Variants in CSNK1G3 observed in about 807,000 individuals in gnomAD.
CSNK1G3 encodes casein kinase I isoform gamma-3.
CSNK1G3 carries 23 observed loss-of-function variants against 64.3 expected under a neutral mutation model. The observed-to-expected ratio is 0.36, with a 90% CI of 0.26 to 0.51. The LOEUF (loss-of-function observed/expected upper bound fraction) is 0.51, where lower values mean the gene tolerates loss of function less well. Among genes scored for constraint, CSNK1G3 ranks in the 20% least tolerant of loss-of-function variants. The pLI is 0.96. For missense variants in CSNK1G3, 357 were observed against 510.5 expected (o/e 0.70, Z 2.90); for synonymous variants, 158 against 162.2 (o/e 0.97, Z 0.20).
At chr5:123,536,122 C>T (rs1011964887) in intron 1 of CSNK1G3, among the ~76,000 whole-genome samples, 5 of 152,106 alleles carry the variant, frequency 3.3e-5, no homozygotes, top group Non-Finnish European at 7.4e-5. Flanking sequence ...AACCAATCCA[C>T]CTACACATAT....
At chr5:123,587,015 A>T (rs1196511548) in intron 6 of CSNK1G3, among the ~76,000 whole-genome samples, 1 of 152,184 alleles carries the variant, frequency 6.6e-6, no homozygotes, top group African/African-American at 2.4e-5. Context: ...GGAGAAAAGC[A>T]TGGGAAAGAC....
At chr5:123,600,975 A>G (rs543680098) in intron 10 of CSNK1G3, among the ~76,000 whole-genome samples, 1 of 151,594 alleles carries the variant, frequency 6.6e-6, no homozygotes, top group African/African-American at 2.4e-5. Context: ...TGTCAGAGGG[A>G]ATTTTTTTTT....
In CSNK1G3 at chr5:123,600,035, A is replaced by G. The variant is rs576648462; in HGVS notation, c.1087-4689A>G. ...ATCTTTTGGAATACCAAGAGTATCA[A>G]TTATACCTTTAGTCTTTAGGATATG... On this transcript the variant is annotated intron_variant, in intron 10 of 12. Coordinates refer to ENST00000345990, the Ensembl canonical transcript of CSNK1G3. Among the ~76,000 whole-genome samples the G allele has an allele frequency of 5.3e-5, 8 of 152,238 alleles. No homozygotes were observed. The South Asian group carries it at 1.5e-3, about 28-fold the overall frequency.
chr5:123,562,745 T>A (rs1786019215), intron 4 of CSNK1G3, among the ~76,000 whole-genome samples: 1 of 151,894 alleles, frequency 6.6e-6, no homozygotes, highest in Non-Finnish European at 1.5e-5. Context: ...AGGAAAAAAT[T>A]ATTGGTGAGA....
intron 8 of CSNK1G3, 62 bp from the exon 9 acceptor site, chr5:123,590,348 T>C: frequency 1.2e-6 from 1 of 804,338 alleles, no homozygotes; most frequent in African/African-American, 1.8e-5. Flanking sequence ...TTTTAGATAC[T>C]TAATTTTATT....
intron 4 of CSNK1G3, among the ~76,000 whole-genome samples, chr5:123,567,398 T>A (rs1272392562): frequency 6.6e-6 from 1 of 152,022 alleles, no homozygotes; most frequent in African/African-American, 2.4e-5. Context: ...GTCTGGAGTT[T>A]GAGACCATCC....
intron 1 of CSNK1G3, among the ~76,000 whole-genome samples, chr5:123,529,945 T>C (rs962299615): frequency 2.0e-5 from 3 of 152,076 alleles, no homozygotes; most frequent in Non-Finnish European, 4.4e-5. Context: ...GAGACCAGCC[T>C]GGGCAACATG....
chr5:123,525,625 C>T (rs1426719302), intron 1 of CSNK1G3, among the ~76,000 whole-genome samples: 1 of 151,994 alleles, frequency 6.6e-6, no homozygotes. Context: ...ATGAGACAAT[C>T]TCAAACACAC....
chr5:123,592,081 T>C (rs935802268), intron 10 of CSNK1G3, among the ~76,000 whole-genome samples: 5 of 152,006 alleles, frequency 3.3e-5, no homozygotes, highest in African/African-American at 9.7e-5. Flanking sequence ...GAATAAGCTA[T>C]ATTACATGAA....
chr5:123,527,837 G>GT (rs1216748789), intron 1 of CSNK1G3, among the ~76,000 whole-genome samples: 1 of 151,994 alleles, frequency 6.6e-6, no homozygotes, highest in Non-Finnish European at 1.5e-5. Flanking sequence ...TTTATTTTAG[G>GT]TTTTTTTCTT....
intron 4 of CSNK1G3, among the ~76,000 whole-genome samples, chr5:123,570,188 T>C (rs1483632181): frequency 6.6e-6 from 1 of 152,166 alleles, no homozygotes; most frequent in Non-Finnish European, 1.5e-5. Flanking sequence ...GGTTTTCCTG[T>C]TTTGGAAACT....
chr5:123,518,617 G>C (rs928750798), intron 1 of CSNK1G3, among the ~76,000 whole-genome samples: 2 of 152,076 alleles, frequency 1.3e-5, no homozygotes, highest in Non-Finnish European at 2.9e-5. Flanking sequence ...TTTTCTCTTC[G>C]TATCTTATTG....
chr5:123,599,401 A>G (rs1198803665), intron 10 of CSNK1G3, among the ~76,000 whole-genome samples: 1 of 152,236 alleles, frequency 6.6e-6, no homozygotes, highest in Non-Finnish European at 1.5e-5. Context: ...AGGAAAACGA[A>G]AGAATAACAT....
chr5:123,600,798 T>G (rs1794359337), intron 10 of CSNK1G3, among the ~76,000 whole-genome samples: 1 of 152,136 alleles, frequency 6.6e-6, no homozygotes, highest in African/African-American at 2.4e-5. Flanking sequence ...TGGAATTGGA[T>G]TTGTCAGGCA....
At chr5:123,548,396 T>A (rs1184843827) in intron 2 of CSNK1G3, among the ~76,000 whole-genome samples, 1 of 146,114 alleles carries the variant, frequency 6.8e-6, no homozygotes, top group Non-Finnish European at 1.5e-5. Flanking sequence ...GAGTTTAAGG[T>A]TGCAGTGACC....
exon 9 of CSNK1G3, chr5:123,590,548 G>A (rs2150973170): frequency 6.6e-7 from 1 of 1,505,846 alleles, no homozygotes; most frequent in Non-Finnish European, 8.8e-7. Flanking sequence ...GACTGGATTG[G>A]TAAACAGTTG....
intron 4 of CSNK1G3, among the ~76,000 whole-genome samples, chr5:123,566,686 T>TA (rs1786950797): frequency 6.6e-6 from 1 of 152,160 alleles, no homozygotes; most frequent in Admixed American, 6.5e-5. Context: ...GCTCAGTGAT[T>TA]AAAAAAACTG....
chr5:123,610,979 A>G (rs1382703143), intron 12 of CSNK1G3, among the ~76,000 whole-genome samples: 1 of 152,254 alleles, frequency 6.6e-6, no homozygotes, highest in Non-Finnish European at 1.5e-5. Context: ...GCAAAGGCAG[A>G]TAATAAATAA....
chr5:123,559,296 C>G (rs1317572077), intron 4 of CSNK1G3, among the ~76,000 whole-genome samples: 3 of 151,840 alleles, frequency 2.0e-5, no homozygotes, highest in Non-Finnish European at 4.4e-5. Flanking sequence ...ATAAAACTGT[C>G]ATTTGGAAGA....
Sources: gnomAD v4.1 joint callset for allele counts (sites outside exome capture counted in the v4.1 genomes callset) on GRCh38, gnomAD v4.1.1 for gene constraint, MANE v1.5 for transcripts, NCBI Gene and HGNC (gene_info 2026-07-23, HGNC 2026-07-21) for gene names.